Variants in CETP observed in about 807,000 individuals in gnomAD.
CETP encodes cholesteryl ester transfer protein.
In CETP, 56 loss-of-function variants were observed where a neutral mutation model predicts 66.5. The ratio of observed to expected loss-of-function variants is 0.84; its 90% CI spans 0.68 to 1.05. The LOEUF is 1.05. Ranked by LOEUF, CETP falls within the 50% of genes least tolerant of loss-of-function variation. The probability of loss-of-function intolerance (pLI) is 0.00; values close to 1 mark genes in which losing one functional copy is unlikely to be tolerated. For synonymous variants in CETP, 251 were observed against 245.7 expected, an observed-to-expected ratio of 1.02 and a Z score of -0.20; for missense variants, 612 against 609.6, an observed-to-expected ratio of 1.00 and a Z score of -0.04.
intron 15 of CETP, 84 bp downstream of exon 15, chr16:56,983,495 G>A (rs956609003): frequency 5.1e-5 from 81 of 1,596,154 alleles, no homozygotes; most frequent in Non-Finnish European, 6.9e-5. Flanking sequence ...GGGGCTGTTG[G>A]GGAGACAGAC....
chr16:56,968,050 AT>A (rs369199710), intron 2 of CETP, among the ~76,000 whole-genome samples: 3,690 of 151,010 alleles, frequency 0.024, 171 homozygotes, highest in African/African-American at 0.084. Context: ...TTGCCAATCT[AT>A]TTTTTTTTAA....
chr16:56,975,733 C>A (rs972089772), intron 10 of CETP, among the ~76,000 whole-genome samples: 8 of 88,532 alleles, frequency 9.0e-5, no homozygotes, highest in Non-Finnish European at 2.3e-4. Flanking sequence ...TTTCTGGTCA[C>A]CTCACTCCCC....
chr16:56,971,948 A>G, intron 7 of CETP, 44 bp from the exon 8 acceptor site: 1 of 1,549,666 alleles, frequency 6.5e-7, no homozygotes. Flanking sequence ...ACTCAGGGCA[A>G]TTCCCCCATC....
intron 2 of CETP, among the ~76,000 whole-genome samples, chr16:56,964,343 A>G (rs1475094591): frequency 6.6e-6 from 1 of 152,082 alleles, no homozygotes; most frequent in Non-Finnish European, 1.5e-5. Flanking sequence ...AATCTTTATC[A>G]TATATTTTAG....
intron 2 of CETP, among the ~76,000 whole-genome samples, chr16:56,969,102 C>T (rs571879080): frequency 2.0e-5 from 3 of 152,146 alleles, no homozygotes; most frequent in South Asian, 2.1e-4. Context: ...TTCCACTTTT[C>T]GGTACCCTGT....
chr16:56,983,342 T>C lies in CETP; in HGVS notation c.1338T>C (p.Phe446=), dbSNP rs1039241524. 8 of 1,614,120 alleles carry C rather than the reference T, an allele frequency of 5.0e-6. No homozygotes were observed. The highest frequency in any genetic ancestry group is 6.8e-6 in the Non-Finnish European group (8 of 1,180,044). Residue 446 remains phenylalanine, a synonymous_variant, in exon 15 of 16, where the codon TTT becomes TTC. Coordinates refer to ENST00000200676, the MANE Select transcript of CETP (RefSeq NM_000078.3). The part of the protein sequence containing the change: ...PEVMSRLEVV[F]TALMNSKGVS... ...CTGCCCCAGGGCTCGAGGTAGTGTTTACAGCCCTCATGAACAGCAAAGGCG... is the reference window on the plus strand; with the variant it reads ...CTGCCCCAGGGCTCGAGGTAGTGTTCACAGCCCTCATGAACAGCAAAGGCG...
Position 56,983,808 on chromosome 16 carries a change from C to T in CETP, c.*142C>T, listed in dbSNP as rs1229835626. 2.4e-5 allele frequency: 19 copies of T among 779,494 alleles called. No individual in the cohort carries two copies. The highest frequency in any genetic ancestry group is 3.8e-5 in the Non-Finnish European group (17 of 443,398). 48.3% of individuals were successfully genotyped at this position (779,494 alleles called of 1,614,324 possible). On this transcript the variant is annotated 3_prime_UTR_variant, in exon 16 of 16. Coordinates refer to ENST00000200676, the MANE Select transcript of CETP (RefSeq NM_000078.3). The stretch of plus-strand genomic sequence containing the variant: ...AGATTGGCTCCCAACTCCTCCCTAT[C>T]CTAAAGGCCCACTGGCATTAAAGTG...
chr16:56,975,251 C>A, intron 10 of CETP, 100 bp downstream of exon 10: 2 of 997,544 alleles, frequency 2.0e-6, no homozygotes, highest in Non-Finnish European at 3.2e-6. Context: ...CCAATGGCAA[C>A]AATTATAACA....
intron 1 of CETP, 118 bp downstream of exon 1, chr16:56,962,215 G>A (rs1256297043): frequency 1.1e-6 from 1 of 874,356 alleles, no homozygotes; most frequent in Non-Finnish European, 1.9e-6. Context: ...AGCCCAGAGA[G>A]AGGAGTGCCC....
Position 56,972,167 on chromosome 16 carries a change from A to G in CETP, c.750+84A>G, listed in dbSNP as rs2141999450. The G allele has an allele frequency of 9.9e-6, 10 of 1,006,054 alleles. No individual in the cohort carries two copies. The Middle Eastern group carries it at 1.6e-3, about 163-fold the overall frequency. 62.3% of individuals were successfully genotyped at this position (1,006,054 alleles called of 1,614,324 possible). Reference sequence around the variant, plus strand: ...TTGTGCTCTGACAACCCCGTCCCCCAGCTTCAACCTTATGGCAGCCAAGAG... The same window carrying G: ...TTGTGCTCTGACAACCCCGTCCCCCGGCTTCAACCTTATGGCAGCCAAGAG... On this transcript the variant is annotated intron_variant, in intron 8 of 15. Coordinates refer to ENST00000200676, the MANE Select transcript of CETP (RefSeq NM_000078.3).
chr16:56,964,901 C>T (rs1297159395), intron 2 of CETP, among the ~76,000 whole-genome samples: 1 of 152,110 alleles, frequency 6.6e-6, no homozygotes, highest in South Asian at 2.1e-4. Flanking sequence ...TTTGGGAGGC[C>T]GAGGTAGGAG....
At chr16:56,977,358 C>T (rs1485964079) in intron 10 of CETP, among the ~76,000 whole-genome samples, 1 of 152,180 alleles carries the variant, frequency 6.6e-6, no homozygotes, top group Non-Finnish European at 1.5e-5. Flanking sequence ...CACTCCCCAG[C>T]CCCGCTGGCT....
intron 2 of CETP, among the ~76,000 whole-genome samples, chr16:56,963,949 G>A (rs974966830): frequency 6.6e-5 from 10 of 151,676 alleles, no homozygotes; most frequent in African/African-American, 1.9e-4. Context: ...GGTTACAGGC[G>A]TGAGCCACCA....
chr16:56,972,546 G>A (rs2056119779), intron 8 of CETP, among the ~76,000 whole-genome samples: 1 of 152,224 alleles, frequency 6.6e-6, no homozygotes, highest in South Asian at 2.1e-4. Flanking sequence ...GGGATCAGGA[G>A]GCTGCAGGGT....
At chr16:56,970,254 C>A (rs180815185) in intron 5 of CETP, among the ~76,000 whole-genome samples, 1 of 152,310 alleles carries the variant, frequency 6.6e-6, no homozygotes, top group East Asian at 1.9e-4. Context: ...TATTCCAAGC[C>A]CTTTTCATGA....
chr16:56,977,631 C>T (rs1235897289), intron 10 of CETP, among the ~76,000 whole-genome samples: 3 of 152,212 alleles, frequency 2.0e-5, no homozygotes, highest in Non-Finnish European at 2.9e-5. Context: ...AGATATGGCC[C>T]GCAGCTCCTG....
intron 10 of CETP, among the ~76,000 whole-genome samples, chr16:56,977,300 T>G (rs1218861041): frequency 3.3e-5 from 5 of 152,124 alleles, no homozygotes. Context: ...GGGCATGTGA[T>G]CTCCTTGAGC....
chr16:56,969,277 T>C (rs2056090225), intron 2 of CETP, 109 bp from the exon 3 acceptor site: 2 of 1,415,066 alleles, frequency 1.4e-6, no homozygotes, highest in East Asian at 4.6e-5. Context: ...GAGGACATTT[T>C]GGGGGCCATG....
chr16:56,973,824 C>T (rs1297476485), intron 9 of CETP, among the ~76,000 whole-genome samples: 2 of 152,244 alleles, frequency 1.3e-5, no homozygotes, highest in Non-Finnish European at 2.9e-5. Flanking sequence ...TCCGAGTGAG[C>T]AATTCCTGTC....
Sources: gnomAD v4.1 joint callset for allele counts (sites outside exome capture counted in the v4.1 genomes callset) on GRCh38, gnomAD v4.1.1 for gene constraint, MANE v1.5 for transcripts, NCBI Gene and HGNC (gene_info 2026-07-23, HGNC 2026-07-21) for gene names.